Variants in PTPRT observed in about 807,000 individuals in gnomAD.
The protein encoded by PTPRT is protein tyrosine phosphatase receptor type T.
A neutral mutation model predicts 176.8 loss-of-function variants in PTPRT; 56 were observed. The observed-to-expected ratio is 0.32, with a 90% CI of 0.26 to 0.40. PTPRT has a LOEUF of 0.40. Among genes scored for constraint, PTPRT ranks in the 10% least tolerant of loss-of-function variants. PTPRT has a pLI of 1.00. For synonymous variants in PTPRT, 783 were observed against 739.0 expected, an observed-to-expected ratio of 1.06 and a Z score of -0.96; for missense variants, 1,540 against 1,908.2, an observed-to-expected ratio of 0.81 and a Z score of 3.60.
At chr20:42,188,981 A>C (rs1006211425) in intron 16 of PTPRT, among the ~76,000 whole-genome samples, 6 of 152,178 alleles carry the variant, frequency 3.9e-5, no homozygotes, top group African/African-American at 1.4e-4. Context: ...AGAGCATATG[A>C]AGCTGGGTTC....
At chr20:42,777,933 G>C (rs542555403) in intron 4 of PTPRT, among the ~76,000 whole-genome samples, 1 of 152,286 alleles carries the variant, frequency 6.6e-6, no homozygotes, top group East Asian at 1.9e-4. Flanking sequence ...TTATGCTTAA[G>C]CTGCCTCAAC....
intron 1 of PTPRT, among the ~76,000 whole-genome samples, chr20:43,162,346 G>A (rs2014721404): frequency 6.6e-6 from 1 of 152,128 alleles, no homozygotes; most frequent in African/African-American, 2.4e-5. Context: ...CTTATAACGC[G>A]GATCTTATAA....
intron 1 of PTPRT, among the ~76,000 whole-genome samples, chr20:43,113,444 CTTGGTTT>C (rs1311609758): frequency 1.3e-5 from 2 of 152,202 alleles, no homozygotes; most frequent in Non-Finnish European, 2.9e-5. Flanking sequence ...TTGGATCCTG[CTTGGTTT>C]TTAATTTGAT....
chr20:42,953,131 T>C (rs886377815), intron 1 of PTPRT, among the ~76,000 whole-genome samples: 1 of 152,202 alleles, frequency 6.6e-6, no homozygotes, highest in African/African-American at 2.4e-5. Context: ...AAGGAAGTTC[T>C]GAGGGTGGAG....
Position 42,873,095 on chromosome 20 carries a change from A to G in PTPRT, c.214+12712T>C, listed in dbSNP as rs1434807638. On this transcript the variant is annotated intron_variant, in intron 2 of 30. Coordinates refer to ENST00000373187, the MANE Select transcript of PTPRT (RefSeq NM_007050.6). ...ATTTAAAATCACATGTTTCCACCCA[A>G]TCCTGGGTAGGAAAACTGAGGTCCA... Among the ~76,000 whole-genome samples the G allele has an allele frequency of 2.0e-5, 3 of 152,230 alleles. No homozygotes were observed. In the East Asian group the frequency reaches 5.8e-4, roughly 29 times the overall value.
intron 7 of PTPRT, among the ~76,000 whole-genome samples, chr20:42,643,447 G>A (rs565449643): frequency 9.9e-5 from 15 of 152,000 alleles, no homozygotes; most frequent in African/African-American, 3.6e-4. Flanking sequence ...TCAGCCTCCT[G>A]AGTAGCTAGG....
chr20:42,138,902 C>G (rs1988498050), intron 18 of PTPRT, among the ~76,000 whole-genome samples: 1 of 152,188 alleles, frequency 6.6e-6, no homozygotes, highest in Non-Finnish European at 1.5e-5. Context: ...TCTGTTCTCC[C>G]TGGCCTGGGC....
chr20:43,081,028 T>C (rs189550899), intron 1 of PTPRT, among the ~76,000 whole-genome samples: 1 of 152,262 alleles, frequency 6.6e-6, no homozygotes, highest in Non-Finnish European at 1.5e-5. Context: ...TTTAATACGA[T>C]GTTAGATTTA....
In PTPRT at chr20:42,862,691, G is replaced by A. The variant is rs151096102; in HGVS notation, c.214+23116C>T. On this transcript the variant is annotated intron_variant, in intron 2 of 30. Transcript: ENST00000373187. ...CGAATGTGCCGATCTGCATTGCTTT[G>A]CTTCATTTTTCAACATTCATGAGTG... Among the ~76,000 whole-genome samples the A allele has an allele frequency of 2.1e-3, 314 of 152,276 alleles. 2 individuals carry two copies. The highest frequency in any genetic ancestry group is 7.2e-3 in the African/African-American group (299 of 41,550).
intron 7 of PTPRT, among the ~76,000 whole-genome samples, chr20:42,612,979 G>A (rs1030012261): frequency 2.0e-5 from 3 of 152,062 alleles, no homozygotes; most frequent in African/African-American, 7.2e-5. Flanking sequence ...TATGCATAGG[G>A]GGAAAAAAGA....
rs1283875656 is a variant in PTPRT at position 42,633,998 on chromosome 20, AT to A, written c.1153+43867del. ...ATATATTATATATTATATTATATAT[AT>A]TATATATATATAATATATATATAAT... On this transcript the variant is annotated intron_variant, in intron 7 of 30. Transcript: ENST00000373187. 4.7e-3 allele frequency among the ~76,000 whole-genome samples: 137 copies of A among 29,266 alleles called. 4 individuals carry two copies. Among genetic ancestry groups the A allele is most frequent in the Non-Finnish European group, 7.1e-3 (114 of 16,160 alleles). The allele number at this position is 29,266 out of a possible 152,430, so 19.2% of individuals were successfully genotyped here.
intron 24 of PTPRT, among the ~76,000 whole-genome samples, chr20:42,105,242 C>G (rs1037253461): frequency 6.6e-6 from 1 of 152,212 alleles, no homozygotes; most frequent in Non-Finnish European, 1.5e-5. Flanking sequence ...CAGTGTTTAA[C>G]AACTTGTTAA....
chr20:42,575,296 C>T (rs2145702900), intron 7 of PTPRT, among the ~76,000 whole-genome samples: 1 of 152,272 alleles, frequency 6.6e-6, no homozygotes, highest in Non-Finnish European at 1.5e-5. Context: ...CAAGTGTTAG[C>T]AGAGCTACAG....
At chr20:43,046,412 G>GA (rs1362179034) in intron 1 of PTPRT, among the ~76,000 whole-genome samples, 2 of 148,014 alleles carry the variant, frequency 1.4e-5, no homozygotes, top group African/African-American at 2.6e-5. Context: ...ACTAAAAATA[G>GA]AAAAAATTAG....
At chr20:42,657,059 C>T (rs2075137768) in intron 7 of PTPRT, among the ~76,000 whole-genome samples, 2 of 152,192 alleles carry the variant, frequency 1.3e-5, no homozygotes, top group East Asian at 1.9e-4. Flanking sequence ...TGGTTGCCCC[C>T]ATCCTGTTCT....
intron 7 of PTPRT, among the ~76,000 whole-genome samples, chr20:42,582,637 A>G (rs549607594): frequency 6.6e-6 from 1 of 152,286 alleles, no homozygotes; most frequent in South Asian, 2.1e-4. Context: ...AGACTCCCCA[A>G]ACTCTGGCAA....
At chr20:42,262,278 A>C (rs1392717203) in intron 13 of PTPRT, among the ~76,000 whole-genome samples, 1 of 152,124 alleles carries the variant, frequency 6.6e-6, no homozygotes, top group Non-Finnish European at 1.5e-5. Context: ...GGAGGTGAGG[A>C]GGGTAGAAGA....
At chr20:43,035,879 A>G (rs975737385) in intron 1 of PTPRT, among the ~76,000 whole-genome samples, 3 of 152,224 alleles carry the variant, frequency 2.0e-5, no homozygotes, top group Non-Finnish European at 4.4e-5. Flanking sequence ...TGGCATCACC[A>G]TAATGTCCAA....
At chr20:43,162,379 G>A (rs1159855094) in intron 1 of PTPRT, among the ~76,000 whole-genome samples, 3 of 152,136 alleles carry the variant, frequency 2.0e-5, no homozygotes, top group Non-Finnish European at 4.4e-5. Context: ...GACAAATAAG[G>A]AAACTGAGGC....
Sources: gnomAD v4.1 joint callset for allele counts (sites outside exome capture counted in the v4.1 genomes callset) on GRCh38, gnomAD v4.1.1 for gene constraint, MANE v1.5 for transcripts, NCBI Gene and HGNC (gene_info 2026-07-23, HGNC 2026-07-21) for gene names.